The following ZC3H12B variants were observed in gnomAD, a reference collection of about 807,000 sequenced individuals.
The protein encoded by ZC3H12B is zinc finger CCCH-type containing 12B, also known as probable ribonuclease ZC3H12B.
A neutral mutation model predicts 43.9 loss-of-function variants in ZC3H12B; 7 were observed. That is an observed-to-expected ratio of 0.16 (90% CI 0.09 to 0.30). The LOEUF (loss-of-function observed/expected upper bound fraction) is 0.30, where lower values mean the gene tolerates loss of function less well. Ranked by LOEUF, ZC3H12B falls within the 10% of genes least tolerant of loss-of-function variation. ZC3H12B has a pLI of 1.00. For synonymous variants in ZC3H12B, 222 were observed against 241.7 expected (o/e 0.92, Z 0.76); for missense variants, 475 against 670.2 (o/e 0.71, Z 3.22).
At chrX:65,100,587 A>C in the ZC3H12B span, among the ~76,000 whole-genome samples, 1 of 103,058 alleles carries the variant, frequency 9.7e-6, no homozygotes, top group South Asian at 4.4e-4. Flanking sequence ...AAAAAAAAAA[A>C]AAAAAAACAG....
upstream of ZC3H12B, among the ~76,000 whole-genome samples, chrX:65,363,700 T>A (rs1025043716): frequency 2.0e-4 from 22 of 111,848 alleles, no homozygotes; most frequent in Admixed American, 4.7e-4. Flanking sequence ...CCCTGTAGCC[T>A]TTTTGTCCAA....
chrX:65,494,781 A>C (rs2068253829), intron 1 of ZC3H12B, among the ~76,000 whole-genome samples: 1 of 100,534 alleles, frequency 9.9e-6, no homozygotes, highest in African/African-American at 3.6e-5. Context: ...ACTCTGTCCC[A>C]AAAAATAAAT....
intron 2 of ZC3H12B, among the ~76,000 whole-genome samples, chrX:65,369,314 C>T: frequency 8.9e-6 from 1 of 112,009 alleles, no homozygotes; most frequent in Non-Finnish European, 1.9e-5. Flanking sequence ...TGTGTTATCA[C>T]ATTTAATCCT....
chrX:65,448,590 G>A (rs887112072), intron 3 of ZC3H12B, among the ~76,000 whole-genome samples: 1 of 111,450 alleles, frequency 9.0e-6, no homozygotes, highest in African/African-American at 3.3e-5. Context: ...GCCGACGTGG[G>A]TGGATCGCCT....
At chrX:65,103,219 C>A in the ZC3H12B span, among the ~76,000 whole-genome samples, 62 of 111,274 alleles carry the variant, frequency 5.6e-4, no homozygotes, top group African/African-American at 2.0e-3. Context: ...TCAGAGACCT[C>A]CCCCTAGGAA....
the ZC3H12B span, among the ~76,000 whole-genome samples, chrX:65,218,220 T>G: frequency 8.0e-5 from 9 of 112,154 alleles, no homozygotes; most frequent in Non-Finnish European, 1.5e-4. Flanking sequence ...TGCAGCTCCC[T>G]CTTAGATGGA....
the ZC3H12B span, among the ~76,000 whole-genome samples, chrX:65,096,129 A>T: frequency 9.2e-6 from 1 of 108,638 alleles, no homozygotes; most frequent in African/African-American, 3.4e-5. Context: ...GTGTTGCAAT[A>T]AACATACACG....
At chrX:65,451,061 C>T (rs1390977292) in intron 3 of ZC3H12B, among the ~76,000 whole-genome samples, 1 of 108,194 alleles carries the variant, frequency 9.2e-6, no homozygotes, top group Admixed American at 1.0e-4. Flanking sequence ...GATTCTTCTG[C>T]CTCAGCCTCG....
the ZC3H12B span, among the ~76,000 whole-genome samples, chrX:65,155,302 A>G: frequency 9.1e-6 from 1 of 109,290 alleles, no homozygotes; most frequent in Non-Finnish European, 1.9e-5. Context: ...GTTGAATTTT[A>G]TTATATGCTT....
chrX:65,434,902 C>T (rs2067202521), intron 3 of ZC3H12B, among the ~76,000 whole-genome samples: 1 of 110,971 alleles, frequency 9.0e-6, no homozygotes, highest in Non-Finnish European at 1.9e-5. Flanking sequence ...GCTGCTGCTA[C>T]TAGGAGTGGA....
the ZC3H12B span, among the ~76,000 whole-genome samples, chrX:65,164,887 A>G: frequency 1.8e-5 from 2 of 112,172 alleles, no homozygotes; most frequent in Non-Finnish European, 3.8e-5. Flanking sequence ...GCTTTCTTGA[A>G]AATATTAACA....
At chrX:65,142,384 T>C in the ZC3H12B span, among the ~76,000 whole-genome samples, 1 of 112,311 alleles carries the variant, frequency 8.9e-6, no homozygotes, top group Non-Finnish European at 1.9e-5. Flanking sequence ...TTTGAGTTCA[T>C]GGTAGATTCT....
the ZC3H12B span, among the ~76,000 whole-genome samples, chrX:65,317,074 G>T: frequency 9.0e-6 from 1 of 110,854 alleles, no homozygotes; most frequent in Non-Finnish European, 1.9e-5. Context: ...TGGTAAGGGG[G>T]TAAATTAAAC....
chrX:65,229,172 G>A, the ZC3H12B span, among the ~76,000 whole-genome samples: 2 of 110,810 alleles, frequency 1.8e-5, no homozygotes, highest in East Asian at 2.8e-4. Context: ...CATGGTACTG[G>A]TACCAAAACA....
At chrX:65,400,272 G>A (rs1452556713) in intron 3 of ZC3H12B, among the ~76,000 whole-genome samples, 2 of 111,564 alleles carry the variant, frequency 1.8e-5, no homozygotes, top group Non-Finnish European at 3.8e-5. Context: ...TGCCCATAGA[G>A]CTGGCTATGA....
chrX:65,052,865 C>T, the ZC3H12B span, among the ~76,000 whole-genome samples: 1 of 111,851 alleles, frequency 8.9e-6, no homozygotes, highest in African/African-American at 3.2e-5. Flanking sequence ...ACATTATTCT[C>T]CATAGTAGTT....
the ZC3H12B span, among the ~76,000 whole-genome samples, chrX:65,276,319 T>C: frequency 1.8e-5 from 2 of 111,779 alleles, no homozygotes; most frequent in Non-Finnish European, 3.8e-5. Flanking sequence ...AGGACAGATA[T>C]GAACATCTAT....
chrX:65,223,277 C>T, the ZC3H12B span, among the ~76,000 whole-genome samples: 2 of 110,055 alleles, frequency 1.8e-5, no homozygotes, highest in African/African-American at 6.6e-5. Context: ...GCACTCCAGC[C>T]TATGTGATAG....
At chrX:65,052,410 T>G in the ZC3H12B span, among the ~76,000 whole-genome samples, 1 of 111,222 alleles carries the variant, frequency 9.0e-6, no homozygotes, top group Non-Finnish European at 1.9e-5. Flanking sequence ...ATAGTAGGTC[T>G]TCTTCGTTCT....
Sources: gnomAD v4.1 joint callset for allele counts (sites outside exome capture counted in the v4.1 genomes callset) on GRCh38, gnomAD v4.1.1 for gene constraint, MANE v1.5 for transcripts, NCBI Gene and HGNC (gene_info 2026-07-23, HGNC 2026-07-21) for gene names.